Variants in PLD1 observed in about 807,000 individuals in gnomAD.
PLD1 encodes choline phosphatase 1.
PLD1 carries 112 observed loss-of-function variants against 137.1 expected under a neutral mutation model. The observed-to-expected ratio is 0.82, with a 90% confidence interval of 0.70 to 0.96. The LOEUF is 0.96. Ranked by LOEUF, PLD1 falls within the 40% of genes least tolerant of loss-of-function variation. PLD1 has a pLI of 0.00. For synonymous variants in PLD1, 431 were observed against 454.7 expected, an observed-to-expected ratio of 0.95 and a Z score of 0.66; for missense variants, 1,321 against 1,342.0, an observed-to-expected ratio of 0.98 and a Z score of 0.24.
At chr3:171,679,290 C>T (rs1016732498) in intron 16 of PLD1, among the ~76,000 whole-genome samples, 4 of 152,128 alleles carry the variant, frequency 2.6e-5, no homozygotes, top group Non-Finnish European at 5.9e-5. Context: ...AAGTTTTCTA[C>T]AGAAGAAAAA....
At chr3:171,781,687 C>T (rs1156924598) in intron 1 of PLD1, among the ~76,000 whole-genome samples, 1 of 152,158 alleles carries the variant, frequency 6.6e-6, no homozygotes, top group African/African-American at 2.4e-5. Context: ...CAATGAGGTA[C>T]TGCTACATCC....
intron 10 of PLD1, 64 bp from the exon 11 acceptor site, chr3:171,708,902 T>C (rs1157787367): frequency 7.7e-6 from 8 of 1,041,602 alleles, no homozygotes; most frequent in East Asian, 2.4e-5. Context: ...ACTTATCTTA[T>C]GGTAAAGCAA....
chr3:171,770,065 G>C (rs375241918), intron 1 of PLD1, among the ~76,000 whole-genome samples: 2 of 152,230 alleles, frequency 1.3e-5, no homozygotes, highest in South Asian at 2.1e-4. Flanking sequence ...AGGCAGAATT[G>C]CTCTTTAGAT....
At chr3:171,618,480 T>C (rs1733304606) in intron 24 of PLD1, among the ~76,000 whole-genome samples, 1 of 152,232 alleles carries the variant, frequency 6.6e-6, no homozygotes, top group African/African-American at 2.4e-5. Flanking sequence ...TGTTTATTTT[T>C]CCATTTCAGC....
chr3:171,697,251 T>TTG (rs1560227449), intron 12 of PLD1, among the ~76,000 whole-genome samples: 23 of 147,040 alleles, frequency 1.6e-4, no homozygotes, highest in Middle Eastern at 3.2e-3. Flanking sequence ...TTTTTTTTTT[T>TTG]TTTTTTTTTT....
At chr3:171,655,635 C>A (rs947168546) in intron 21 of PLD1, among the ~76,000 whole-genome samples, 1 of 152,030 alleles carries the variant, frequency 6.6e-6, no homozygotes, top group Non-Finnish European at 1.5e-5. Context: ...ACCACACCTG[C>A]CCAAGATAAG....
intron 23 of PLD1, among the ~76,000 whole-genome samples, chr3:171,639,583 C>T (rs868395579): frequency 2.4e-4 from 16 of 66,760 alleles, no homozygotes; most frequent in African/African-American, 4.3e-4. Flanking sequence ...AATATATATT[C>T]ATATAATATA....
intron 1 of PLD1, among the ~76,000 whole-genome samples, chr3:171,764,924 GGAAAGAAAGGAAAGAAA>G (rs547698846): frequency 0.016 from 334 of 20,380 alleles, 7 homozygotes; most frequent in African/African-American, 0.041. Context: ...AAGAAAGAAA[GGAAAGAAAGGAAAGAAA>G]GAAAGAAAGA....
chr3:171,615,061 A>C (rs6445010), intron 24 of PLD1, among the ~76,000 whole-genome samples: 11,898 of 152,290 alleles, frequency 0.078, 1,318 homozygotes, highest in African/African-American at 0.25. Flanking sequence ...AGAAAATTTT[A>C]GATGAATGAA....
intron 19 of PLD1, among the ~76,000 whole-genome samples, chr3:171,673,626 T>C (rs10936697): frequency 6.6e-6 from 1 of 151,972 alleles, no homozygotes; most frequent in Admixed American, 6.5e-5. Context: ...TTATTTCTTA[T>C]ATACACATAC....
At chr3:171,711,442 T>C (rs569184936) in intron 9 of PLD1, among the ~76,000 whole-genome samples, 9 of 152,228 alleles carry the variant, frequency 5.9e-5, no homozygotes, top group Non-Finnish European at 1.0e-4. Context: ...GTGCTGGGAT[T>C]ATAGGCGTGA....
intron 1 of PLD1, among the ~76,000 whole-genome samples, chr3:171,749,315 T>A (rs1720487308): frequency 6.6e-6 from 1 of 151,954 alleles, no homozygotes; most frequent in Non-Finnish European, 1.5e-5. Flanking sequence ...GGAGATAAGA[T>A]CTCAGAATCA....
intron 11 of PLD1, among the ~76,000 whole-genome samples, chr3:171,700,315 AACACACACACAC>A (rs573424146): frequency 7.9e-6 from 1 of 126,866 alleles, no homozygotes; most frequent in African/African-American, 2.8e-5. Context: ...CACACACACA[AACACACACACAC>A]ACACACACTC....
intron 1 of PLD1, among the ~76,000 whole-genome samples, chr3:171,740,879 G>A (rs1270039904): frequency 3.9e-5 from 6 of 152,270 alleles, no homozygotes; most frequent in South Asian, 2.1e-4. Flanking sequence ...TTAAACAATC[G>A]TCCAAGGTCA....
intron 22 of PLD1, among the ~76,000 whole-genome samples, chr3:171,643,428 T>C (rs1735939757): frequency 6.6e-6 from 1 of 152,134 alleles, no homozygotes; most frequent in South Asian, 2.1e-4. Context: ...TGATGAATTA[T>C]AAAATCTGAC....
At chr3:171,763,590 AAG>A (rs1721591536) in intron 1 of PLD1, among the ~76,000 whole-genome samples, 1 of 150,328 alleles carries the variant, frequency 6.7e-6, no homozygotes, top group African/African-American at 2.5e-5. Flanking sequence ...GAGAAAAGAA[AAG>A]AGAACCTGCT....
intron 21 of PLD1, among the ~76,000 whole-genome samples, chr3:171,645,777 G>A (rs1408221106): frequency 1.4e-4 from 21 of 151,598 alleles, no homozygotes; most frequent in African/African-American, 4.6e-4. Context: ...CCAGCTACTC[G>A]GGAGGCTGAG....
intron 23 of PLD1, among the ~76,000 whole-genome samples, chr3:171,629,525 A>G (rs1311796866): frequency 6.6e-6 from 1 of 152,220 alleles, no homozygotes; most frequent in Non-Finnish European, 1.5e-5. Flanking sequence ...TAAAGTTCAC[A>G]TGGAACCAAA....
rs866939787 is a variant in PLD1, at chr3:171,768,460, G to A, written c.-31-30378C>T. Reference sequence around the variant, plus strand: ...ATGAAAAGCCTGCACCTCCCAAACCGTACGCTGCAAAGATCAAGACTATGT... The same window carrying A: ...ATGAAAAGCCTGCACCTCCCAAACCATACGCTGCAAAGATCAAGACTATGT... On this transcript the variant is annotated intron_variant, in intron 1 of 26. Coordinates refer to ENST00000351298, the MANE Select transcript of PLD1 (RefSeq NM_002662.5). Among the ~76,000 whole-genome samples the A allele has an allele frequency of 1.5e-4, 23 of 152,276 alleles. No individual in the cohort carries two copies. In the Middle Eastern group the frequency reaches 0.01, roughly 68 times the overall value.
Sources: allele counts gnomAD v4.1 joint callset (sites outside exome capture counted in the v4.1 genomes callset), GRCh38; gene constraint gnomAD v4.1.1; transcripts MANE v1.5; gene names NCBI Gene and HGNC (gene_info 2026-07-23, HGNC 2026-07-21).